The following CFAP54 variants were observed in gnomAD, a reference collection of about 807,000 sequenced individuals.
CFAP54 encodes cilia- and flagella-associated protein 54.
CFAP54 carries 290 observed loss-of-function variants against 370.4 expected under a neutral mutation model. That is an observed-to-expected ratio of 0.78 (90% confidence interval 0.71 to 0.86). The LOEUF is 0.86. Among genes scored for constraint, CFAP54 ranks in the 40% least tolerant of loss-of-function variants. The pLI, the probability that CFAP54 is intolerant of heterozygous loss-of-function variation, is 0.00. For synonymous variants in CFAP54, 1,206 were observed against 1,236.5 expected (o/e 0.98, Z 0.52); for missense variants, 3,399 against 3,528.7 (o/e 0.96, Z 0.93).
chr12:96,646,627 A>G (rs1726440473), intron 33 of CFAP54: 1 of 152,266 alleles, frequency 6.6e-6, no homozygotes, highest in African/African-American at 2.4e-5. Context: ...ATTATAAATC[A>G]TGCTGCTATA....
intron 60 of CFAP54, among the ~76,000 whole-genome samples, chr12:96,770,512 G>T (rs968600628): frequency 4.6e-5 from 7 of 152,214 alleles, no homozygotes; most frequent in African/African-American, 1.7e-4. Flanking sequence ...AACATTCTTA[G>T]AAGAGCACAG....
rs978078096 is a variant in CFAP54 at position 96,693,769 on chromosome 12, T to G, written c.6312T>G (p.Cys2104Trp). ...ALYQYFVSGI[C>W]QDITRNLEAR... ...ATCAATATTTTGTTTCTGGAATTTG[T>G]CAAGACATAACAAGAAATCTAGAAG... is the stretch of plus-strand genomic sequence containing the variant. Residue 2104 changes from cysteine (C) to tryptophan (W), a missense_variant, in exon 45 of 68, where the codon TGT (cysteine) becomes TGG (tryptophan). Physicochemically the swap from Cys to Trp is radical, Grantham distance 215. Transcript: ENST00000524981. 1.0e-5 allele frequency: 16 copies of G among 1,602,686 alleles called. No homozygotes were observed. The Admixed American group carries it at 1.0e-4, about 10-fold the overall frequency.
At chr12:96,841,835 G>A (rs1030383123) in intron 66 of CFAP54, among the ~76,000 whole-genome samples, 1 of 152,190 alleles carries the variant, frequency 6.6e-6, no homozygotes, top group Non-Finnish European at 1.5e-5. Flanking sequence ...TCTTGGTTCC[G>A]CCACCTATTG....
intron 1 of CFAP54, among the ~76,000 whole-genome samples, chr12:96,490,400 G>T (rs1954867653): frequency 6.6e-6 from 1 of 152,212 alleles, no homozygotes; most frequent in Admixed American, 6.5e-5. Flanking sequence ...ATACTTCATT[G>T]TATCAAGAGC....
intron 48 of CFAP54, among the ~76,000 whole-genome samples, chr12:96,716,260 T>G (rs1240752178): frequency 1.3e-5 from 2 of 152,272 alleles, no homozygotes; most frequent in Admixed American, 6.5e-5. Flanking sequence ...ATAAGAGATC[T>G]ATTTCTTTTA....
intron 42 of CFAP54, among the ~76,000 whole-genome samples, chr12:96,686,512 G>A (rs1198258414): frequency 6.6e-6 from 1 of 152,166 alleles, no homozygotes; most frequent in Non-Finnish European, 1.5e-5. Flanking sequence ...TTCTGGGGAG[G>A]CCTCAGGAAG....
In CFAP54 at chr12:96,555,429, C is replaced by T. The variant is rs145663730; in HGVS notation, c.2410+627C>T. Among the ~76,000 whole-genome samples, 607 of 150,740 alleles carry T rather than the reference C, an allele frequency of 4.0e-3. 3 individuals carry two copies. The highest frequency in any genetic ancestry group is 7.0e-3 in the Non-Finnish European group (474 of 67,572). Reference sequence around the variant, plus strand: ...TTTATACTGAGAATTCTAGCCAATGCAAGAAGATAAGAAAAATAAAGATAT... The same window carrying T: ...TTTATACTGAGAATTCTAGCCAATGTAAGAAGATAAGAAAAATAAAGATAT... On this transcript the variant is annotated intron_variant, in intron 17 of 67. Transcript: ENST00000524981.
intron 66 of CFAP54, among the ~76,000 whole-genome samples, chr12:96,843,598 T>C (rs890897841): frequency 6.6e-6 from 1 of 152,114 alleles, no homozygotes; most frequent in Admixed American, 6.6e-5. Context: ...CCAGTGAGAG[T>C]TGGGCGACTC....
At chr12:96,826,388 T>C (rs1175877884) in intron 65 of CFAP54, among the ~76,000 whole-genome samples, 1 of 104,252 alleles carries the variant, frequency 9.6e-6, no homozygotes, top group Non-Finnish European at 1.9e-5. Context: ...AATATATTGT[T>C]ATATATATAT....
At chr12:96,594,771 A>G (rs1300615207) in intron 25 of CFAP54, among the ~76,000 whole-genome samples, 1 of 152,148 alleles carries the variant, frequency 6.6e-6, no homozygotes, top group Non-Finnish European at 1.5e-5. Flanking sequence ...TATTCAAGGC[A>G]TATTGTTAAA....
At chr12:96,502,153 A>G (rs910118872) in intron 2 of CFAP54, among the ~76,000 whole-genome samples, 11 of 152,170 alleles carry the variant, frequency 7.2e-5, no homozygotes, top group African/African-American at 2.7e-4. Flanking sequence ...CAAGTTAAAG[A>G]TGGCTGGTAG....
At chr12:96,564,420 T>C (rs1382824310) in intron 17 of CFAP54, 48 bp from the exon 18 acceptor site, 1 of 639,116 alleles carries the variant, frequency 1.6e-6, no homozygotes, top group Non-Finnish European at 2.8e-6. Context: ...AAATATTTCC[T>C]CTCTTGGATA....
At position 96,548,561 on chromosome 12, in the gene CFAP54, G is replaced by A. The variant is rs77552575; in HGVS notation, c.2154+583G>A. 7.1e-3 allele frequency among the ~76,000 whole-genome samples: 1,086 copies of A among 152,258 alleles called. 31 individuals carry two copies. Among genetic ancestry groups the A allele is most frequent in the East Asian group, 0.056 (290 of 5,178 alleles). On this transcript the variant is annotated intron_variant, in intron 15 of 67. Coordinates refer to ENST00000524981, the MANE Select transcript of CFAP54 (RefSeq NM_001306084.2). ...GAATGTACAGGAGGACTGTGGGGTC[G>A]TTCTGAATTTACTTCCTCAAATGCA...
intron 15 of CFAP54, 113 bp from the exon 16 acceptor site, chr12:96,554,069 A>G (rs1955726424): frequency 3.1e-6 from 2 of 644,218 alleles, no homozygotes; most frequent in African/African-American, 3.7e-5. Context: ...TTAGTGTTAG[A>G]TAGACTATTT....
At chr12:96,795,799 T>C (rs1958755363) in intron 63 of CFAP54, among the ~76,000 whole-genome samples, 2 of 152,170 alleles carry the variant, frequency 1.3e-5, no homozygotes, top group South Asian at 2.1e-4. Flanking sequence ...TCCTCCAGAT[T>C]CTGTCCAGGA....
rs1957572921 is a variant in CFAP54 at position 96,708,706 on chromosome 12, T to C, written c.6627T>C (p.Phe2209=). The change falls in exon 48 of 68, where the codon TTT becomes TTC. Residue 2209 remains phenylalanine, a synonymous_variant. Coordinates refer to ENST00000524981, the MANE Select transcript of CFAP54 (RefSeq NM_001306084.2). ...LNKFNFVKAY[F]FLSVAATINC... ...AGTTTAATTTTGTTAAAGCATACTTTTTCCTAAGTGTGGCTGCGACAATAA... is the reference window on the plus strand; with the variant it reads ...AGTTTAATTTTGTTAAAGCATACTTCTTCCTAAGTGTGGCTGCGACAATAA... The C allele has an allele frequency of 1.2e-6, 2 of 1,612,504 alleles. No individual in the cohort carries two copies.
intron 39 of CFAP54, among the ~76,000 whole-genome samples, chr12:96,671,743 G>A (rs1410949566): frequency 2.0e-5 from 3 of 152,024 alleles, no homozygotes; most frequent in Non-Finnish European, 4.4e-5. Flanking sequence ...CCAACACGGT[G>A]AAACCCCGTC....
intron 46 of CFAP54, among the ~76,000 whole-genome samples, chr12:96,700,470 C>A (rs1016891025): frequency 9.2e-5 from 14 of 152,116 alleles, no homozygotes; most frequent in Middle Eastern, 3.2e-3. Flanking sequence ...TTCCTTATGT[C>A]TTATTTGCAT....
intron 26 of CFAP54, among the ~76,000 whole-genome samples, chr12:96,615,851 AG>A (rs1210312950): frequency 6.6e-6 from 1 of 152,362 alleles, no homozygotes; most frequent in Non-Finnish European, 1.5e-5. Context: ...ATCATTAAAA[AG>A]TCAGGAAACA....
Sources: allele counts gnomAD v4.1 joint callset (sites outside exome capture counted in the v4.1 genomes callset), GRCh38; gene constraint gnomAD v4.1.1; transcripts MANE v1.5; gene names NCBI Gene and HGNC (gene_info 2026-07-23, HGNC 2026-07-21).